G6PD: variants seen among roughly 807,000 people sequenced by gnomAD.
G6PD encodes the protein glucose-6-phosphate 1-dehydrogenase.
G6PD carries 2 observed loss-of-function variants against 38.2 expected under a neutral mutation model. That is an observed-to-expected ratio of 0.05 (90% CI 0.02 to 0.16). G6PD has a LOEUF of 0.16. Among genes scored for constraint, G6PD ranks in the 10% least tolerant of loss-of-function variants. The probability of loss-of-function intolerance (pLI) is 1.00; values close to 1 mark genes in which losing one functional copy is unlikely to be tolerated. For synonymous variants in G6PD, 188 were observed against 196.0 expected, an observed-to-expected ratio of 0.96 and a Z score of 0.34; for missense variants, 310 against 471.6, an observed-to-expected ratio of 0.66 and a Z score of 3.17.
intron 2 of G6PD, among the ~76,000 whole-genome samples, chrX:154,540,946 C>T (rs2070488566): frequency 9.0e-6 from 1 of 111,609 alleles, no homozygotes; most frequent in Non-Finnish European, 1.9e-5. Context: ...CAGCAGACAA[C>T]CCCTCGCCCT....
chrX:154,543,859 AATTTTT>A (rs2070600720), intron 2 of G6PD, among the ~76,000 whole-genome samples: 1 of 104,577 alleles, frequency 9.6e-6, no homozygotes, highest in Non-Finnish European at 2.0e-5. Flanking sequence ...ACACCTAACT[AATTTTT>A]GTTATTTTTT....
chrX:154,545,909 T>C lies in G6PD; in HGVS notation c.120+127A>G. 5.0e-6 allele frequency: 4 copies of C among 799,855 alleles called. No homozygotes were observed. In the East Asian group the frequency reaches 1.3e-4, roughly 27 times the overall value. The allele number at this position is 799,855 out of a possible 1,213,427, so 65.9% of individuals were successfully genotyped here. On this transcript the variant is annotated intron_variant, in intron 2 of 12. Coordinates refer to ENST00000393562, the MANE Select transcript of G6PD (RefSeq NM_001360016.2). ...TAGAGCCGGGATGATCCTGGCGCACTAGCAGGAGCGGGAGGAGGAGCTCAA... is the reference window on the plus strand; with the variant it reads ...TAGAGCCGGGATGATCCTGGCGCACCAGCAGGAGCGGGAGGAGGAGCTCAA...
At chrX:154,535,753 C>T (rs2070400281) in intron 4 of G6PD, 184 bp downstream of exon 4, 1 of 489,476 alleles carries the variant, frequency 2.0e-6, no homozygotes, top group Non-Finnish European at 3.7e-6. Flanking sequence ...CAGGAGGGGA[C>T]CTGTGGGTCC....
chrX:154,535,217 C>T lies in G6PD; in HGVS notation c.436G>A (p.Val146Ile), dbSNP rs1557230580. The T allele has an allele frequency of 3.3e-6, 4 of 1,210,006 alleles. No homozygotes were observed. The Admixed American group carries it at 8.7e-5, about 26-fold the overall frequency. ...ATGTTCTTGGTGACGGCCTCGTAGA[C>T]GGTCGGGGGCAAGGCCAGGTAGAAG... ...RLFYLALPPTVYEAVTKNIHE... is the reference protein window; with the variant it reads ...RLFYLALPPTIYEAVTKNIHE... Residue 146 changes from valine (V) to isoleucine (I), a missense_variant, in exon 5 of 13, where the codon GTC becomes ATC. Around this residue, in one of 4 missense-constraint regions of G6PD, gnomAD observed 96 missense variants for 93.3 expected, o/e 1.03. Coordinates refer to ENST00000393562, the MANE Select transcript of G6PD (RefSeq NM_001360016.2).
At chrX:154,535,786 G>C (rs1449186855) in intron 4 of G6PD, 151 bp downstream of exon 4, 1 of 519,346 alleles carries the variant, frequency 1.9e-6, no homozygotes, top group African/African-American at 2.3e-5. Flanking sequence ...CTGGTAATGG[G>C]GGTCTCAAGG....
At position 154,532,672 on chromosome X, in the gene G6PD, C is replaced by T. The variant is rs2148328863; in HGVS notation, c.1182G>A (p.Val394=). The T allele has an allele frequency of 8.2e-7, 1 of 1,212,290 alleles. No individual in the cohort carries two copies. The change falls in exon 10 of 13, where the codon GTG becomes GTA. Residue 394 remains valine (V), a synonymous_variant. Coordinates refer to ENST00000393562, the MANE Select transcript of G6PD (RefSeq NM_001360016.2). Reference sequence around the variant, plus strand: ...TGGTGTACACGGCCTCGTTGGGCTGCACGCGGATCACCAGCTCGTTGCGCT... The same window carrying T: ...TGGTGTACACGGCCTCGTTGGGCTGTACGCGGATCACCAGCTCGTTGCGCT... ...QCKRNELVIR[V]QPNEAVYTKM... is the part of the protein sequence containing the mutation.
intron 5 of G6PD, 98 bp from the exon 6 acceptor site, chrX:154,534,594 G>A: frequency 9.5e-7 from 1 of 1,048,599 alleles, no homozygotes. Flanking sequence ...GGGAGTAGAG[G>A]CCAGAACCTC....
In G6PD at chrX:154,532,991, G is replaced by A. The variant is rs782117333; in HGVS notation, c.1002C>T (p.Thr334=). Residue 334 remains threonine, a synonymous_variant, in exon 9 of 13, where the codon ACC becomes ACT. Transcript: ENST00000393562. ...AGAGGACGACGGCTGCAAAAGTGGCGGTGGTGGACCCGCGGGGCACCGTGG... is the reference window on the plus strand; with the variant it reads ...AGAGGACGACGGCTGCAAAAGTGGCAGTGGTGGACCCGCGGGGCACCGTGG... ...DDPTVPRGST[T]ATFAAVVLYV... The A allele has an allele frequency of 5.8e-6, 7 of 1,210,769 alleles. No individual in the cohort carries two copies. The highest frequency in any genetic ancestry group is 2.2e-5 in the Admixed American group (1 of 45,992).
intron 2 of G6PD, among the ~76,000 whole-genome samples, chrX:154,545,109 G>A (rs1204512180): frequency 3.6e-5 from 4 of 111,590 alleles, no homozygotes; most frequent in African/African-American, 9.8e-5. Flanking sequence ...GGGACACAGG[G>A]GAGGGTGCTC....
intron 5 of G6PD, 103 bp from the exon 6 acceptor site, chrX:154,534,599 A>T (rs1557230442): frequency 9.9e-7 from 1 of 1,011,112 alleles, no homozygotes; most frequent in Non-Finnish European, 1.4e-6. Flanking sequence ...TAGAGGCCAG[A>T]ACCTCCTCGC....
chrX:154,546,887 G>C (rs2070744006), upstream of G6PD: 3 of 1,021,550 alleles, frequency 2.9e-6, no homozygotes, highest in Admixed American at 3.3e-5. Flanking sequence ...GGCGGGGGCG[G>C]GGGCGGGCGC....
intron 2 of G6PD, 81 bp from the exon 3 acceptor site, chrX:154,536,259 T>C (rs1940103377): frequency 1.1e-6 from 1 of 952,302 alleles, no homozygotes; most frequent in Non-Finnish European, 1.5e-6. Flanking sequence ...CTTGGTGATC[T>C]GGGCACTACT....
At chrX:154,532,539 T>C in intron 10 of G6PD, 28 bp downstream of exon 10, 3 of 1,208,798 alleles carry the variant, frequency 2.5e-6, no homozygotes. Context: ...CCGCCCACCC[T>C]CCACACTGCT....
chrX:154,542,081 G>C (rs1009033578), intron 2 of G6PD, among the ~76,000 whole-genome samples: 1 of 112,406 alleles, frequency 8.9e-6, no homozygotes, highest in South Asian at 3.6e-4. Flanking sequence ...TGCTATACCC[G>C]GGGGCTCATG....
At chrX:154,546,629 G>A (rs374690048) in intron 1 of G6PD, among the ~76,000 whole-genome samples, 160 bp downstream of exon 1, 1 of 111,665 alleles carries the variant, frequency 9.0e-6, no homozygotes, top group African/African-American at 3.3e-5. Flanking sequence ...GGGGTCTCAG[G>A]GGCTCAAGAG....
At chrX:154,547,562 C>T (rs1462452863), upstream of G6PD, 11 of 754,268 alleles carry the variant, frequency 1.5e-5, no homozygotes, top group African/African-American at 9.1e-5. Context: ...CGCCGGCTTC[C>T]CGAGTTCTCG....
chrX:154,534,976 G>C (rs938182827), intron 5 of G6PD, 192 bp downstream of exon 5: 1 of 483,088 alleles, frequency 2.1e-6, no homozygotes, highest in Non-Finnish European at 3.6e-6. Context: ...CGGCCTGGCC[G>C]GGCCTTTGGG....
chrX:154,532,294 G>C lies in G6PD; in HGVS notation c.1365-14C>G, dbSNP rs1425937958. ...CGGAGCTCGTCGCTGAGGGGACATG[G>C]TATGGCTTGGGAGGCCGGTGGCACA... On this transcript the variant is annotated splice_polypyrimidine_tract_variant and intron_variant, in intron 11 of 12. Coordinates refer to ENST00000393562, the MANE Select transcript of G6PD (RefSeq NM_001360016.2). The C allele has an allele frequency of 8.3e-7, 1 of 1,209,624 alleles. No individual in the cohort carries two copies. Among genetic ancestry groups the C allele is most frequent in the Non-Finnish European group, 1.1e-6 (1 of 894,604 alleles).
chrX:154,542,846 G>A (rs782703516), intron 2 of G6PD, among the ~76,000 whole-genome samples: 35 of 112,146 alleles, frequency 3.1e-4, no homozygotes, highest in Non-Finnish European at 6.2e-4. Flanking sequence ...ACACACGTCA[G>A]CCTGAACTCT....
Sources: allele counts gnomAD v4.1 joint callset (sites outside exome capture counted in the v4.1 genomes callset), GRCh38; gene constraint gnomAD v4.1.1; regional missense constraint gnomAD v4.1.1; transcripts MANE v1.5; gene names NCBI Gene and HGNC (gene_info 2026-07-23, HGNC 2026-07-21).